Variants in DOCK7 observed in about 807,000 individuals in gnomAD.
The protein encoded by DOCK7 is dedicator of cytokinesis 7.
A neutral mutation model predicts 271.0 loss-of-function variants in DOCK7; 138 were observed. That is an observed-to-expected ratio of 0.51 (90% CI 0.44 to 0.59). The LOEUF (loss-of-function observed/expected upper bound fraction) is 0.59. Ranked by LOEUF, DOCK7 falls within the 20% of genes least tolerant of loss-of-function variation. DOCK7 has a pLI of 0.00. For missense variants in DOCK7, 2,066 were observed against 2,592.4 expected (o/e 0.80, Z 4.41); for synonymous variants, 823 against 876.1 (o/e 0.94, Z 1.07).
intron 14 of DOCK7, among the ~76,000 whole-genome samples, chr1:62,594,118 T>C (rs1480683587): frequency 6.6e-6 from 1 of 152,126 alleles, no homozygotes; most frequent in Non-Finnish European, 1.5e-5. Context: ...TTCCTTGGCA[T>C]AAAATTTTTT....
intron 35 of DOCK7, among the ~76,000 whole-genome samples, chr1:62,507,753 G>A (rs1230889645): frequency 5.2e-4 from 79 of 152,320 alleles, no homozygotes; most frequent in Admixed American, 5.2e-3. Flanking sequence ...AAGACAAGGA[G>A]ATAAAGATTT....
chr1:62,542,837 C>T, intron 24 of DOCK7, 134 bp from the exon 25 acceptor site: 1 of 653,126 alleles, frequency 1.5e-6, no homozygotes, highest in Non-Finnish European at 2.6e-6. Context: ...CAATGATGCA[C>T]TGAAGACACC....
chr1:62,604,439 A>C, intron 14 of DOCK7: 1 of 890,620 alleles, frequency 1.1e-6, no homozygotes, highest in Non-Finnish European at 1.7e-6. Flanking sequence ...CAGATTTTCT[A>C]TTTTTTGGTA....
chr1:62,524,953 A>ATG (rs1553162426), intron 31 of DOCK7, among the ~76,000 whole-genome samples: 2 of 119,420 alleles, frequency 1.7e-5, no homozygotes, highest in Admixed American at 9.0e-5. Context: ...ATATATATAT[A>ATG]TATTACTATA....
intron 29 of DOCK7, 33 bp from the exon 30 acceptor site, chr1:62,529,479 G>C: frequency 1.3e-6 from 2 of 1,543,636 alleles, no homozygotes; most frequent in South Asian, 1.2e-5. Context: ...AGAAGAAAAA[G>C]CAGTAAGGCC....
intron 14 of DOCK7, among the ~76,000 whole-genome samples, chr1:62,596,690 T>C (rs1164282135): frequency 6.6e-6 from 1 of 152,114 alleles, no homozygotes; most frequent in Non-Finnish European, 1.5e-5. Context: ...ATGTATATTA[T>C]CAAAATTGTT....
intron 2 of DOCK7, among the ~76,000 whole-genome samples, chr1:62,662,033 AC>A (rs761136134): frequency 1.1e-4 from 17 of 152,172 alleles, no homozygotes; most frequent in Non-Finnish European, 2.2e-4. Flanking sequence ...TTTTAGTAAC[AC>A]AAACATTATA....
chr1:62,523,333 T>G (rs1176662507), intron 31 of DOCK7, among the ~76,000 whole-genome samples: 1 of 152,078 alleles, frequency 6.6e-6, no homozygotes, highest in Non-Finnish European at 1.5e-5. Context: ...TAAACGGTGC[T>G]GAAATAATCT....
intron 18 of DOCK7, among the ~76,000 whole-genome samples, chr1:62,568,605 TAAAAAAAAAAAA>T (rs549578355): frequency 2.2e-5 from 1 of 46,254 alleles, no homozygotes; most frequent in African/African-American, 8.7e-5. Context: ...GTGCCCTGCC[TAAAAAAAAAAAA>T]AAAAAAAAAA....
At chr1:62,621,196 G>A (rs1315810168) in intron 12 of DOCK7, among the ~76,000 whole-genome samples, 1 of 151,822 alleles carries the variant, frequency 6.6e-6, no homozygotes, top group Non-Finnish European at 1.5e-5. Context: ...GGAATAGGAG[G>A]AGGAAGAAAC....
At chr1:62,471,623 C>G (rs2149252020) in intron 48 of DOCK7, among the ~76,000 whole-genome samples, 1 of 152,094 alleles carries the variant, frequency 6.6e-6, no homozygotes, top group East Asian at 1.9e-4. Context: ...CACTGCACTA[C>G]AGAGTCTGGG....
chr1:62,610,085 G>A (rs1237599790), intron 14 of DOCK7, among the ~76,000 whole-genome samples: 1 of 152,100 alleles, frequency 6.6e-6, no homozygotes, highest in East Asian at 1.9e-4. Flanking sequence ...TCCTGACCTC[G>A]TGATCCGCCT....
intron 41 of DOCK7, among the ~76,000 whole-genome samples, chr1:62,491,810 A>G (rs1461556835): frequency 6.6e-6 from 1 of 152,214 alleles, no homozygotes; most frequent in Non-Finnish European, 1.5e-5. Flanking sequence ...TTGTTTTGCT[A>G]CGTTTTTTAA....
At chr1:62,549,236 T>G (rs914072295) in intron 22 of DOCK7, among the ~76,000 whole-genome samples, 6 of 152,114 alleles carry the variant, frequency 3.9e-5, no homozygotes, top group Non-Finnish European at 8.8e-5. Context: ...AATTTAACTG[T>G]GTGAAAAGCT....
At chr1:62,635,766 A>G (rs1203248259) in intron 8 of DOCK7, 1 of 152,072 alleles carries the variant, frequency 6.6e-6, no homozygotes, top group Non-Finnish European at 1.5e-5. Flanking sequence ...TTTTAATTTT[A>G]AATTGTTTTT....
rs1377667441 is a variant in DOCK7, at chr1:62,552,809, G to C, written c.2689C>G (p.Leu897Val). Reference protein sequence around the residue: ...ASLNLNRSRSLSNSNPDISGT... With the variant: ...ASLNLNRSRSVSNSNPDISGT... ...GATATATCTGGATTGCTATTACTAA[G>C]GCTTCGAGAACGATTTAAATTAAGG... The change falls in exon 22 of 50, where the codon CTT becomes GTT. Residue 897 changes from leucine (L) to valine (V), a missense_variant. Physicochemically the swap from Leu to Val is conservative, Grantham distance 32. This residue lies in a region of DOCK7 where 1,414 missense variants were observed against 1,670.4 expected (regional missense o/e 0.85). Transcript: ENST00000635253. 6.2e-7 allele frequency: 1 copy of C among 1,613,748 alleles called. No homozygotes were observed. The highest frequency in any genetic ancestry group is 8.5e-7 in the Non-Finnish European group (1 of 1,179,942).
intron 7 of DOCK7, among the ~76,000 whole-genome samples, chr1:62,644,326 C>G (rs576489781): frequency 6.6e-6 from 1 of 152,232 alleles, no homozygotes; most frequent in South Asian, 2.1e-4. Context: ...TTTCCTGTTT[C>G]CTGTCTGACT....
intron 13 of DOCK7, 28 bp from the exon 14 acceptor site, chr1:62,618,896 T>C: frequency 6.3e-7 from 1 of 1,590,484 alleles, no homozygotes; most frequent in South Asian, 1.1e-5. Context: ...AAAAACAATG[T>C]AAAGACAATA....
chr1:62,664,257 CTCCCATAAT>C (rs1476638672), intron 1 of DOCK7, among the ~76,000 whole-genome samples: 2 of 152,268 alleles, frequency 1.3e-5, no homozygotes, highest in Non-Finnish European at 2.9e-5. Context: ...TGAATTATAG[CTCCCATAAT>C]TCCCATGTGT....
Sources: allele counts gnomAD v4.1 joint callset (sites outside exome capture counted in the v4.1 genomes callset), GRCh38; gene constraint gnomAD v4.1.1; regional missense constraint gnomAD v4.1.1; transcripts MANE v1.5; gene names NCBI Gene and HGNC (gene_info 2026-07-23, HGNC 2026-07-21).